Variants in IL17RA observed in about 807,000 individuals in gnomAD.
The protein encoded by IL17RA is interleukin-17 receptor A.
Under a neutral mutation model 50.4 loss-of-function variants are expected in IL17RA, and 34 were observed. The ratio of observed to expected loss-of-function variants is 0.67; its 90% CI spans 0.51 to 0.90. The LOEUF (loss-of-function observed/expected upper bound fraction) is 0.90. Ranked by LOEUF, IL17RA falls within the 40% of genes least tolerant of loss-of-function variation. The probability of loss-of-function intolerance (pLI) is 0.00; values close to 1 mark genes in which losing one functional copy is unlikely to be tolerated. For missense variants in IL17RA, 1,276 were observed against 1,169.8 expected, an observed-to-expected ratio of 1.09 and a Z score of -1.32; for synonymous variants, 585 against 510.4, an observed-to-expected ratio of 1.15 and a Z score of -1.97.
chr22:17,085,328 G>A, intron 1 of IL17RA, 99 bp downstream of exon 1: 3 of 1,504,460 alleles, frequency 2.0e-6, no homozygotes, highest in Non-Finnish European at 2.7e-6. Context: ...CCGGGCTGGG[G>A]AGGCAGGAAG....
At chr22:17,092,253 CTCCT>C (rs1418096695) in intron 1 of IL17RA, among the ~76,000 whole-genome samples, 2 of 152,198 alleles carry the variant, frequency 1.3e-5, no homozygotes, top group Non-Finnish European at 2.9e-5. Flanking sequence ...AAGCTTTGTA[CTCCT>C]TCTCCTATAC....
Position 17,109,588 on chromosome 22 carries a change from T to A in IL17RA, c.2369T>A (p.Val790Glu). 1 of 1,602,196 alleles carries A rather than the reference T, an allele frequency of 6.2e-7. No individual in the cohort carries two copies. The change falls in exon 13 of 13, where the codon GTG becomes GAG. Residue 790 changes from valine (V) to glutamate (E), a missense_variant. Coordinates refer to ENST00000319363, the MANE Select transcript of IL17RA (RefSeq NM_014339.7). ...TACGAGGAGGAGCAGCGGCAGTCAGTGCAGTCTGACCAGGGCTACATCTCC... is the reference window on the plus strand; with the variant it reads ...TACGAGGAGGAGCAGCGGCAGTCAGAGCAGTCTGACCAGGGCTACATCTCC... ...TPYEEEQRQS[V>E]QSDQGYISRS...
chr22:17,092,153 G>A (rs543904301), intron 1 of IL17RA, among the ~76,000 whole-genome samples: 1 of 152,274 alleles, frequency 6.6e-6, no homozygotes, highest in East Asian at 1.9e-4. Flanking sequence ...ATGCTCACAT[G>A]AAGCCTCCAT....
At chr22:17,091,691 T>G (rs950591392) in intron 1 of IL17RA, among the ~76,000 whole-genome samples, 2 of 150,922 alleles carry the variant, frequency 1.3e-5, no homozygotes, top group Non-Finnish European at 1.5e-5. Context: ...AAAAAAAAAG[T>G]CAATGTTATT....
chr22:17,090,467 A>G (rs376019217), intron 1 of IL17RA, among the ~76,000 whole-genome samples: 3 of 152,182 alleles, frequency 2.0e-5, no homozygotes, highest in Admixed American at 1.3e-4. Context: ...CAAGTTACGT[A>G]TGGTGATCCT....
chr22:17,087,795 G>C (rs562416398), intron 1 of IL17RA, among the ~76,000 whole-genome samples: 1 of 152,346 alleles, frequency 6.6e-6, no homozygotes, highest in South Asian at 2.1e-4. Context: ...AATGCCCATA[G>C]GAAAGACAGC....
rs150261349 is a variant in IL17RA at position 17,089,689 on chromosome 22, A to G, written c.138+4460A>G. On this transcript the variant is annotated intron_variant, in intron 1 of 12. Coordinates refer to ENST00000319363, the MANE Select transcript of IL17RA (RefSeq NM_014339.7). ...GGAGTTCAAGACCAGTCTGGGCAAC[A>G]TGGCAAAACCCTGTCTCTACAAAAA... 4.6e-3 allele frequency among the ~76,000 whole-genome samples: 697 copies of G among 152,298 alleles called. 2 individuals carry two copies. Among genetic ancestry groups the G allele is most frequent in the African/African-American group, 0.016 (655 of 41,560 alleles).
rs746639569 is a variant in IL17RA at position 17,098,846 on chromosome 22, A to T, written c.382A>T (p.Arg128Trp). The change falls in exon 4 of 13, where the codon AGG becomes TGG. Residue 128 changes from arginine (R) to tryptophan (W), a missense_variant. Transcript: ENST00000319363. Reference sequence around the variant, plus strand: ...GAACACCAATGAACGTTTGTGCGTCAGGTTTGAGTTTCTGTCCAAACTGAG... The same window carrying T: ...GAACACCAATGAACGTTTGTGCGTCTGGTTTGAGTTTCTGTCCAAACTGAG... ...QLNTNERLCV[R>W]FEFLSKLRHH... The T allele has an allele frequency of 6.2e-7, 1 of 1,614,222 alleles. No homozygotes were observed. The highest frequency in any genetic ancestry group is 8.5e-7 in the Non-Finnish European group (1 of 1,180,036).
chr22:17,095,406 G>A (rs1344767890), intron 1 of IL17RA, among the ~76,000 whole-genome samples: 1 of 152,146 alleles, frequency 6.6e-6, no homozygotes, highest in African/African-American at 2.4e-5. Flanking sequence ...GCACCACTGG[G>A]AATCAACCAA....
At position 17,104,657 on chromosome 22, in the gene IL17RA, C is replaced by G. The variant is rs1173116735; in HGVS notation, c.847-69C>G. 7 of 1,393,540 alleles carry G rather than the reference C, an allele frequency of 5.0e-6. No homozygotes were observed. The Admixed American group carries it at 1.1e-4, about 21-fold the overall frequency. The allele number at this position is 1,393,540 out of a possible 1,614,324, so 86.3% of individuals were successfully genotyped here. ...GCCAGGATCCCCTCCTCTCACATTGCCGCTGCTGGCTGGAAGGCATGGGCG... is the reference window on the plus strand; with the variant it reads ...GCCAGGATCCCCTCCTCTCACATTGGCGCTGCTGGCTGGAAGGCATGGGCG... On this transcript the variant is annotated intron_variant, in intron 8 of 12. Transcript: ENST00000319363.
intron 5 of IL17RA, 78 bp downstream of exon 5, chr22:17,100,559 C>A: frequency 6.4e-7 from 1 of 1,560,460 alleles, no homozygotes; most frequent in Non-Finnish European, 8.8e-7. Flanking sequence ...AGATGCCAGC[C>A]CCCCTGCTCA....
Position 17,110,996 on chromosome 22 carries a change from G to C in IL17RA, c.*1176G>C, listed in dbSNP as rs1242313882. 1 of 152,264 alleles carries C rather than the reference G, an allele frequency of 6.6e-6. No individual in the cohort carries two copies. Among genetic ancestry groups the C allele is most frequent in the Admixed American group, 6.6e-5 (1 of 15,250 alleles). The allele number at this position is 152,264 out of a possible 1,614,324, so 9.4% of individuals were successfully genotyped here. On this transcript the variant is annotated 3_prime_UTR_variant, in exon 13 of 13. Coordinates refer to ENST00000319363, the MANE Select transcript of IL17RA (RefSeq NM_014339.7). The stretch of plus-strand genomic sequence containing the variant: ...GGAAGCAGTTTGTGGGTAAGTGCTG[G>C]GAGGTGAGTGGAGTGAGCTTGTCAG...
intron 7 of IL17RA, among the ~76,000 whole-genome samples, chr22:17,102,635 A>G (rs917468642): frequency 6.6e-6 from 1 of 152,102 alleles, no homozygotes; most frequent in Non-Finnish European, 1.5e-5. Context: ...ATAGAGACAA[A>G]GGGGAACTAA....
Position 17,102,288 on chromosome 22 carries a change from C to G in IL17RA, c.748C>G (p.His250Asp), listed in dbSNP as rs556317837. 14 of 1,614,200 alleles carry G rather than the reference C, an allele frequency of 8.7e-6. No homozygotes were observed. The South Asian group carries it at 1.4e-4, about 16-fold the overall frequency. ...GAACCACAGTTGCTTTGAGCACATG[C>G]ACCACATACCTGCGGTAACTCTGCT... is the stretch of plus-strand genomic sequence containing the variant. ...MENHSCFEHM[H>D]HIPAPRPEEF... The change falls in exon 7 of 13, where the codon CAC (histidine) becomes GAC (aspartate). Residue 250 changes from histidine (H) to aspartate (D), a missense_variant. Physicochemically the swap from His to Asp is moderately conservative, Grantham distance 81. Transcript: ENST00000319363.
chr22:17,105,854 C>T lies in IL17RA; in HGVS notation c.945C>T (p.Asp315=). ...EMPDTPEPIP[D]YMPLWVYWFI... ...CTCACGCTGTTCTGCTCACCGCAGA[C>T]TACATGCCCCTGTGGGTGTACTGGT... The change falls in exon 11 of 13, where the codon GAC becomes GAT. Residue 315 remains aspartate (D), a splice_region_variant and synonymous_variant. Coordinates refer to ENST00000319363, the MANE Select transcript of IL17RA (RefSeq NM_014339.7). The T allele has an allele frequency of 6.2e-7, 1 of 1,613,660 alleles. No individual in the cohort carries two copies. The highest frequency in any genetic ancestry group is 8.5e-7 in the Non-Finnish European group (1 of 1,179,706).
In IL17RA at chr22:17,115,469, C is replaced by G. The variant is rs1338118956; in HGVS notation, c.*5649C>G. 1 of 152,232 alleles carries G rather than the reference C, an allele frequency of 6.6e-6. No individual in the cohort carries two copies. The highest frequency in any genetic ancestry group is 1.5e-5 in the Non-Finnish European group (1 of 68,056). The allele number at this position is 152,232 out of a possible 1,614,324, so 9.4% of individuals were successfully genotyped here. ...CTCCCAGGAGCTTCCACTCTCAGACCTTGCCTCCCGGGCTGCCCTGAGTGA... is the reference window on the plus strand; with the variant it reads ...CTCCCAGGAGCTTCCACTCTCAGACGTTGCCTCCCGGGCTGCCCTGAGTGA... On this transcript the variant is annotated 3_prime_UTR_variant, in exon 13 of 13. Transcript: ENST00000319363.
At chr22:17,097,773 ATG>A (rs749563304) in intron 2 of IL17RA, 22 bp from the exon 3 acceptor site, 2 of 1,613,928 alleles carry the variant, frequency 1.2e-6, no homozygotes, top group Admixed American at 3.3e-5. Context: ...AAGTCTCTGA[ATG>A]TTGCTTTTCC....
At chr22:17,098,926 T>G in intron 4 of IL17RA, 39 bp downstream of exon 4, 3 of 1,470,370 alleles carry the variant, frequency 2.0e-6, no homozygotes, top group Non-Finnish European at 2.9e-6. Context: ...GTTCCACTGA[T>G]GACACCAGTA....
intron 1 of IL17RA, among the ~76,000 whole-genome samples, chr22:17,088,396 G>A (rs999415632): frequency 6.6e-6 from 1 of 152,040 alleles, no homozygotes; most frequent in Non-Finnish European, 1.5e-5. Flanking sequence ...TCAGCTCACT[G>A]CAACCTCCGC....
Sources: gnomAD v4.1 joint callset for allele counts (sites outside exome capture counted in the v4.1 genomes callset) on GRCh38, gnomAD v4.1.1 for gene constraint, MANE v1.5 for transcripts, NCBI Gene and HGNC (gene_info 2026-07-23, HGNC 2026-07-21) for gene names.